LMO7: variants seen among roughly 807,000 people sequenced by gnomAD.
LMO7 encodes LIM domain only protein 7.
In LMO7, 120 loss-of-function variants were observed where a neutral mutation model predicts 206.5. The observed-to-expected ratio is 0.58, with a 90% CI of 0.50 to 0.68. The LOEUF is 0.68. Among genes scored for constraint, LMO7 ranks in the 30% least tolerant of loss-of-function variants. The probability of loss-of-function intolerance (pLI) is 0.00; values close to 1 mark genes in which losing one functional copy is unlikely to be tolerated. For missense variants in LMO7, 1,959 were observed against 1,957.9 expected, an observed-to-expected ratio of 1.00 and a Z score of -0.01; for synonymous variants, 706 against 681.5, an observed-to-expected ratio of 1.04 and a Z score of -0.56.
chr13:75,676,871 A>G (rs1007833722), intron 1 of LMO7, among the ~76,000 whole-genome samples: 1 of 152,180 alleles, frequency 6.6e-6, no homozygotes, highest in African/African-American at 2.4e-5. Context: ...CTTTTTACCT[A>G]TCGAATGTTC....
intron 3 of LMO7, among the ~76,000 whole-genome samples, chr13:75,732,259 C>T (rs575625643): frequency 6.6e-6 from 1 of 152,316 alleles, no homozygotes; most frequent in Admixed American, 6.5e-5. Context: ...CTTTCAGGTA[C>T]ACCAGTCAGA....
rs748952581 is a variant in LMO7 at position 75,840,143 on chromosome 13, G to T, written c.3477+33G>T. The T allele has an allele frequency of 3.7e-6, 6 of 1,608,098 alleles. No homozygotes were observed. In the Admixed American group the frequency reaches 1.0e-4, roughly 27 times the overall value. On this transcript the variant is annotated intron_variant, in intron 21 of 30. Coordinates refer to ENST00000377534, the MANE Select transcript of LMO7 (RefSeq NM_001306080.2). ...GCATTCATTTGTCATTTGGAATAAG[G>T]TGAACTTGGTGGGACTGAATTAGTA...
chr13:75,726,461 T>C (rs1243050822), intron 2 of LMO7, among the ~76,000 whole-genome samples: 2 of 151,942 alleles, frequency 1.3e-5, no homozygotes, highest in African/African-American at 4.8e-5. Context: ...TCTGGTACAT[T>C]GAATTTAATG....
At chr13:75,809,226 TG>T (rs2055969577) in intron 11 of LMO7, 43 bp downstream of exon 11, 1 of 1,544,418 alleles carries the variant, frequency 6.5e-7, no homozygotes, top group South Asian at 1.1e-5. Context: ...GCGTGTTGTT[TG>T]TTCTTTGTAT....
intron 15 of LMO7, among the ~76,000 whole-genome samples, chr13:75,832,767 A>T (rs1167578601): frequency 1.3e-5 from 2 of 152,202 alleles, no homozygotes; most frequent in African/African-American, 4.8e-5. Flanking sequence ...TACAGTGGGC[A>T]GAAACCTAAG....
intron 1 of LMO7, among the ~76,000 whole-genome samples, chr13:75,712,852 A>C (rs1483723120): frequency 6.6e-6 from 1 of 152,170 alleles, no homozygotes; most frequent in Non-Finnish European, 1.5e-5. Context: ...AGAATAGATC[A>C]CCCATAGGTT....
intron 6 of LMO7, 86 bp from the exon 7 acceptor site, chr13:75,800,598 T>C: frequency 8.0e-7 from 1 of 1,254,966 alleles, no homozygotes; most frequent in Non-Finnish European, 1.1e-6. Context: ...CAACTTAAAT[T>C]AGGCAAACAA....
At chr13:75,754,311 A>G (rs1594750252) in intron 3 of LMO7, among the ~76,000 whole-genome samples, 2 of 152,260 alleles carry the variant, frequency 1.3e-5, no homozygotes, top group East Asian at 3.9e-4. Context: ...CACTTACTGT[A>G]ATGTTTTGTA....
At chr13:75,660,110 G>A (rs1206080870) in intron 1 of LMO7, among the ~76,000 whole-genome samples, 4 of 152,160 alleles carry the variant, frequency 2.6e-5, no homozygotes, top group Non-Finnish European at 5.9e-5. Context: ...ACAACTCGGA[G>A]TATTCATTTA....
intron 1 of LMO7, among the ~76,000 whole-genome samples, chr13:75,700,699 A>C (rs1431856431): frequency 6.6e-6 from 1 of 152,242 alleles, no homozygotes; most frequent in African/African-American, 2.4e-5. Context: ...CCGATCTGCA[A>C]ACCAAGAAGA....
At chr13:75,834,891 CAAAAT>C (rs1173710943) in intron 17 of LMO7, among the ~76,000 whole-genome samples, 2 of 152,052 alleles carry the variant, frequency 1.3e-5, no homozygotes, top group African/African-American at 4.8e-5. Flanking sequence ...CTTATGATAT[CAAAAT>C]AAAATATCTA....
In LMO7 at chr13:75,807,844, C is replaced by A; in HGVS notation, c.1561C>A (p.Arg521=). 1.9e-6 allele frequency: 3 copies of A among 1,613,890 alleles called. No individual in the cohort carries two copies. The highest frequency in any genetic ancestry group is 1.7e-6 in the Non-Finnish European group (2 of 1,179,888). Residue 521 remains arginine (R), a synonymous_variant, in exon 10 of 31, where the codon CGA becomes AGA. Coordinates refer to ENST00000377534, the MANE Select transcript of LMO7 (RefSeq NM_001306080.2). ...DLEKDDMIVR[R]IPAQKKEVPL... ...GGAAAAAGATGATATGATTGTTCGCCGAATTCCAGCACAGAAGAAAGAAGT... is the reference window on the plus strand; with the variant it reads ...GGAAAAAGATGATATGATTGTTCGCAGAATTCCAGCACAGAAGAAAGAAGT...
intron 20 of LMO7, 63 bp downstream of exon 20, chr13:75,838,259 T>A: frequency 6.6e-7 from 1 of 1,522,876 alleles, no homozygotes; most frequent in Non-Finnish European, 9.1e-7. Context: ...CCACTCTTCC[T>A]CATGGTCTGT....
At chr13:75,640,105 T>G (rs1480328305) in intron 1 of LMO7, among the ~76,000 whole-genome samples, 2 of 152,284 alleles carry the variant, frequency 1.3e-5, no homozygotes, top group Non-Finnish European at 2.9e-5. Flanking sequence ...TCAACAGATA[T>G]TAAGACACTA....
At chr13:75,652,456 T>C (rs1327088546) in intron 1 of LMO7, among the ~76,000 whole-genome samples, 1 of 152,222 alleles carries the variant, frequency 6.6e-6, no homozygotes, top group East Asian at 1.9e-4. Context: ...CCATCTACTT[T>C]CCATCTTCCA....
chr13:75,656,753 T>C (rs553893888), intron 1 of LMO7, among the ~76,000 whole-genome samples: 1 of 152,162 alleles, frequency 6.6e-6, no homozygotes, highest in Admixed American at 6.5e-5. Flanking sequence ...ATGTAAAAGC[T>C]CAGCTCAGGA....
rs1555305809 is a variant in LMO7, at chr13:75,737,795, A to AAC, written c.210+10698_210+10699insCA. ...AATAAAATAAAATAAAAAAAAAAAA[A>AAC]AAAAAACTTTTTACTTTGAAATAAA... On this transcript the variant is annotated intron_variant, in intron 3 of 30. Transcript: ENST00000377534. 1.8e-3 allele frequency among the ~76,000 whole-genome samples: 226 copies of AAC among 127,096 alleles called. 21 individuals carry two copies. The highest frequency in any genetic ancestry group is 8.4e-3 in the South Asian group (33 of 3,948). The allele number at this position is 127,096 out of a possible 152,430, so 83.4% of individuals were successfully genotyped here.
intron 3 of LMO7, among the ~76,000 whole-genome samples, chr13:75,738,956 A>G (rs1455094685): frequency 6.6e-6 from 1 of 152,220 alleles, no homozygotes; most frequent in Non-Finnish European, 1.5e-5. Context: ...CTTTGGCCAG[A>G]TAATTCTTTG....
chr13:75,731,697 G>C (rs1278157084), intron 3 of LMO7, among the ~76,000 whole-genome samples: 1 of 151,490 alleles, frequency 6.6e-6, no homozygotes, highest in South Asian at 2.1e-4. Context: ...TATTTTGCTC[G>C]TTAGTTGATG....
Sources: allele counts gnomAD v4.1 joint callset (sites outside exome capture counted in the v4.1 genomes callset), GRCh38; gene constraint gnomAD v4.1.1; transcripts MANE v1.5; gene names NCBI Gene and HGNC (gene_info 2026-07-23, HGNC 2026-07-21).